EPHB1: variants seen among roughly 807,000 people sequenced by gnomAD.
The protein encoded by EPHB1 is EPH receptor B1.
A neutral mutation model predicts 94.4 loss-of-function variants in EPHB1; 30 were observed. The observed-to-expected ratio is 0.32, with a 90% CI of 0.24 to 0.43. The LOEUF (loss-of-function observed/expected upper bound fraction) is 0.43. Ranked by LOEUF, EPHB1 falls within the 20% of genes least tolerant of loss-of-function variation. The pLI, the probability that EPHB1 is intolerant of heterozygous loss-of-function variation, is 1.00. For missense variants in EPHB1, 1,055 were observed against 1,308.3 expected, an observed-to-expected ratio of 0.81 and a Z score of 2.99; for synonymous variants, 522 against 489.1, an observed-to-expected ratio of 1.07 and a Z score of -0.89.
intron 3 of EPHB1, among the ~76,000 whole-genome samples, chr3:134,961,669 C>T (rs1306902590): frequency 6.6e-6 from 1 of 152,196 alleles, no homozygotes. Flanking sequence ...CACCTAGTTT[C>T]CCCACATCTC....
intron 3 of EPHB1, among the ~76,000 whole-genome samples, chr3:135,048,419 G>A (rs1937073290): frequency 1.3e-5 from 2 of 151,748 alleles, no homozygotes; most frequent in Admixed American, 1.3e-4. Flanking sequence ...ATGGGTGTGT[G>A]CCACCATGCC....
intron 5 of EPHB1, among the ~76,000 whole-genome samples, chr3:135,143,134 G>A (rs1332034189): frequency 3.3e-5 from 5 of 151,886 alleles, no homozygotes; most frequent in African/African-American, 7.3e-5. Context: ...GGTGGGTACA[G>A]GGGAGTTTCC....
At position 134,810,794 on chromosome 3, in the gene EPHB1, G is replaced by A. The variant is rs143335618; in HGVS notation, c.58+15105G>A. On this transcript the variant is annotated intron_variant, in intron 1 of 15. Transcript: ENST00000398015. Reference sequence around the variant, plus strand: ...GATAAGATGTTGGGAGCAAAGGGTGGGAGTCTTTGGGTTTCTATGTGTCTC... The same window carrying A: ...GATAAGATGTTGGGAGCAAAGGGTGAGAGTCTTTGGGTTTCTATGTGTCTC... Among the ~76,000 whole-genome samples, 16 of 152,258 alleles carry A rather than the reference G, an allele frequency of 1.1e-4. No homozygotes were observed. The East Asian group carries it at 2.9e-3, about 28-fold the overall frequency.
At chr3:135,167,577 A>G (rs1047737096) in intron 9 of EPHB1, among the ~76,000 whole-genome samples, 6 of 152,192 alleles carry the variant, frequency 3.9e-5, no homozygotes, top group African/African-American at 1.4e-4. Flanking sequence ...TTTTATAACT[A>G]AAATTTCTTT....
intron 1 of EPHB1, among the ~76,000 whole-genome samples, chr3:134,905,675 T>C (rs571177485): frequency 2.4e-4 from 37 of 152,266 alleles, no homozygotes; most frequent in Middle Eastern, 3.4e-3. Context: ...TGGCCTCCTC[T>C]TTTCCTGTGC....
intron 11 of EPHB1, among the ~76,000 whole-genome samples, chr3:135,199,291 A>G: frequency 6.6e-6 from 1 of 152,198 alleles, no homozygotes; most frequent in Non-Finnish European, 1.5e-5. Flanking sequence ...ATTGCATGAC[A>G]ACTTTCTGAA....
At position 135,192,735 on chromosome 3, in the gene EPHB1, T is replaced by C. The variant is rs1942493117; in HGVS notation, c.2042T>C (p.Ile681Thr). ...GGCCAGTTCGACCATCCTAACATCA[T>C]TCGCCTGGAGGGTGTGGTCACCAAG... ...IMGQFDHPNI[I>T]RLEGVVTKSR... Residue 681 changes from isoleucine to threonine, a missense_variant, in exon 11 of 16, where the codon ATT becomes ACT. Coordinates refer to ENST00000398015, the MANE Select transcript of EPHB1 (RefSeq NM_004441.5). 1 of 1,614,164 alleles carries C rather than the reference T, an allele frequency of 6.2e-7. No individual in the cohort carries two copies. Among genetic ancestry groups the C allele is most frequent in the Non-Finnish European group, 8.5e-7 (1 of 1,180,026 alleles).
At chr3:135,067,261 G>C (rs990024312) in intron 3 of EPHB1, among the ~76,000 whole-genome samples, 12 of 152,270 alleles carry the variant, frequency 7.9e-5, no homozygotes, top group Admixed American at 2.6e-4. Context: ...ACTCCCAAGA[G>C]TACATGCCCT....
intron 3 of EPHB1, among the ~76,000 whole-genome samples, chr3:135,007,379 A>G (rs967722215): frequency 1.1e-4 from 16 of 152,098 alleles, no homozygotes; most frequent in African/African-American, 3.6e-4. Context: ...GAAGAACCAG[A>G]CACTCTTCTG....
chr3:135,199,728 G>T (rs959915099), intron 11 of EPHB1, among the ~76,000 whole-genome samples: 2 of 152,200 alleles, frequency 1.3e-5, no homozygotes, highest in African/African-American at 4.8e-5. Flanking sequence ...ATCCAGGCTT[G>T]CAATCTTGCA....
intron 12 of EPHB1, among the ~76,000 whole-genome samples, chr3:135,208,290 CGTGTGTGTGTGTGTGTGTGTGTGT>C (rs55947191): frequency 1.1e-4 from 15 of 142,782 alleles, no homozygotes; most frequent in Non-Finnish European, 1.7e-4. Context: ...CCTTTCATGA[CGTGTGTGTGTGTGTGTGTGTGTGT>C]GTGTGTGTGT....
At chr3:134,889,526 A>G (rs952432335) in intron 1 of EPHB1, among the ~76,000 whole-genome samples, 14 of 152,160 alleles carry the variant, frequency 9.2e-5, no homozygotes, top group African/African-American at 3.4e-4. Context: ...TAAACTGTAT[A>G]TTTTATTCCA....
At chr3:135,193,766 T>G (rs2107710456) in intron 11 of EPHB1, among the ~76,000 whole-genome samples, 1 of 152,364 alleles carries the variant, frequency 6.6e-6, no homozygotes, top group South Asian at 2.1e-4. Context: ...CAGGCCCTAT[T>G]CTGGATGCTG....
intron 1 of EPHB1, among the ~76,000 whole-genome samples, chr3:134,853,324 C>T (rs1190145536): frequency 6.6e-6 from 1 of 152,158 alleles, no homozygotes; most frequent in East Asian, 1.9e-4. Flanking sequence ...CTGTGGGTGC[C>T]CCTGGAGACT....
At chr3:134,994,631 C>T (rs966516360) in intron 3 of EPHB1, among the ~76,000 whole-genome samples, 1 of 152,128 alleles carries the variant, frequency 6.6e-6, no homozygotes, top group African/African-American at 2.4e-5. Flanking sequence ...ACTATGTTGC[C>T]CAGGCTGGCA....
At chr3:135,200,647 A>G (rs1404383116) in intron 11 of EPHB1, among the ~76,000 whole-genome samples, 1 of 152,232 alleles carries the variant, frequency 6.6e-6, no homozygotes, top group Admixed American at 6.5e-5. Context: ...AAAAGGACAG[A>G]GTTCTTGTCC....
intron 3 of EPHB1, among the ~76,000 whole-genome samples, chr3:134,954,528 G>A (rs1432869645): frequency 6.6e-6 from 1 of 152,176 alleles, no homozygotes; most frequent in Non-Finnish European, 1.5e-5. Flanking sequence ...AATTGCAGGT[G>A]AGACACAGTG....
At chr3:134,891,619 T>G (rs2037985705) in intron 1 of EPHB1, among the ~76,000 whole-genome samples, 1 of 152,230 alleles carries the variant, frequency 6.6e-6, no homozygotes, top group African/African-American at 2.4e-5. Flanking sequence ...ATTAATATGG[T>G]TAATTATATA....
At chr3:135,080,687 T>A (rs1367089640) in intron 3 of EPHB1, among the ~76,000 whole-genome samples, 1 of 152,114 alleles carries the variant, frequency 6.6e-6, no homozygotes, top group Admixed American at 6.5e-5. Context: ...GGCAGGAAGC[T>A]TCAAAACACA....
Sources: allele counts gnomAD v4.1 joint callset (sites outside exome capture counted in the v4.1 genomes callset), GRCh38; gene constraint gnomAD v4.1.1; transcripts MANE v1.5; gene names NCBI Gene and HGNC (gene_info 2026-07-23, HGNC 2026-07-21).